The following ACTN4 variants were observed in gnomAD, a reference collection of about 807,000 sequenced individuals.
The protein encoded by ACTN4 is alpha-actinin-4.
In ACTN4, 18 loss-of-function variants were observed where a neutral mutation model predicts 114.2. The ratio of observed to expected loss-of-function variants is 0.16; its 90% CI spans 0.11 to 0.23. ACTN4 has a LOEUF of 0.23. ACTN4 is among the 10% of genes least tolerant of loss of function. ACTN4 has a pLI of 1.00. For missense variants in ACTN4, 722 were observed against 1,262.9 expected (o/e 0.57, Z 6.49); for synonymous variants, 515 against 506.3 (o/e 1.02, Z -0.23).
In ACTN4 at chr19:38,700,065, A is replaced by G. The variant is rs183081669; in HGVS notation, c.163-535A>G. Reference sequence around the variant, plus strand: ...GAGCTCCTGCCTGAGGAGAGCAGCCACGGGTCACGGAAGCCAGGGTCCAGC... The same window carrying G: ...GAGCTCCTGCCTGAGGAGAGCAGCCGCGGGTCACGGAAGCCAGGGTCCAGC... On this transcript the variant is annotated intron_variant, in intron 1 of 20. Transcript: ENST00000252699. Among the ~76,000 whole-genome samples the G allele has an allele frequency of 7.6e-4, 115 of 152,262 alleles. 1 individual carries two copies. Among genetic ancestry groups the G allele is most frequent in the African/African-American group, 2.6e-3 (108 of 41,548 alleles).
At position 38,729,482 on chromosome 19, in the gene ACTN4, G is replaced by C; in HGVS notation, c.*50G>C. On this transcript the variant is annotated 3_prime_UTR_variant, in exon 21 of 21. Coordinates refer to ENST00000252699, the MANE Select transcript of ACTN4 (RefSeq NM_004924.6). ...CCCCGACGGCCTCCAGGAGGGGCCT[G>C]GGCAGCCCCACAGTCCCATTCCTCC... The C allele has an allele frequency of 7.0e-7, 1 of 1,427,060 alleles. No individual in the cohort carries two copies. Among genetic ancestry groups the C allele is most frequent in the Non-Finnish European group, 9.4e-7 (1 of 1,065,792 alleles). 88.4% of individuals were successfully genotyped at this position (1,427,060 alleles called of 1,614,324 possible). A position where few individuals can be genotyped will look rare whatever the true frequency, so the allele number is the denominator to read the frequency against.
chr19:38,669,808 A>G (rs1476106547), intron 1 of ACTN4, among the ~76,000 whole-genome samples: 1 of 152,088 alleles, frequency 6.6e-6, no homozygotes, highest in African/African-American at 2.4e-5. Flanking sequence ...ATTTGGGGAC[A>G]CTTTGGAATA....
Position 38,729,467 on chromosome 19 carries a change from C to T in ACTN4, c.*35C>T, listed in dbSNP as rs771485181. On this transcript the variant is annotated 3_prime_UTR_variant, in exon 21 of 21. Coordinates refer to ENST00000252699, the MANE Select transcript of ACTN4 (RefSeq NM_004924.6). ...GACCTGACCCAACACCCCCGACGGC[C>T]TCCAGGAGGGGCCTGGGCAGCCCCA... The T allele has an allele frequency of 1.2e-6, 2 of 1,603,436 alleles. No individual in the cohort carries two copies. Among genetic ancestry groups the T allele is most frequent in the South Asian group, 2.2e-5 (2 of 90,890 alleles).
Position 38,700,728 on chromosome 19 carries a change from C to A in ACTN4, c.277+14C>A. The A allele has an allele frequency of 6.2e-7, 1 of 1,605,814 alleles. No homozygotes were observed. The highest frequency in any genetic ancestry group is 8.5e-7 in the Non-Finnish European group (1 of 1,172,946). Reference sequence around the variant, plus strand: ...AGGTCATATCAGGTGAGACTCCCAGCCACGCAGTGCGGCCGAGCCCTGGCA... The same window carrying A: ...AGGTCATATCAGGTGAGACTCCCAGACACGCAGTGCGGCCGAGCCCTGGCA... On this transcript the variant is annotated intron_variant, in intron 2 of 20. Transcript: ENST00000252699.
chr19:38,665,454 A>G (rs1395462962), intron 1 of ACTN4, among the ~76,000 whole-genome samples: 7 of 152,258 alleles, frequency 4.6e-5, no homozygotes, highest in Admixed American at 3.3e-4. Flanking sequence ...TCAATGGCAC[A>G]TGGTCCTGCA....
intron 1 of ACTN4, among the ~76,000 whole-genome samples, chr19:38,667,646 A>G (rs975519140): frequency 6.6e-6 from 1 of 150,652 alleles, no homozygotes; most frequent in African/African-American, 2.4e-5. Context: ...ACGGTGCCCC[A>G]TTGTTATGAA....
rs1316404673 is a variant in ACTN4 at position 38,717,819 on chromosome 19, A to G, written c.1144-108A>G. ...TATAATAGCAAAGCATGACACAGAC[A>G]TGACCCCAGCCAAGTTCTGCCACCT... On this transcript the variant is annotated intron_variant, in intron 10 of 20. Transcript: ENST00000252699. This position sits in a 1 kb window ranked among gnomAD's most constrained non-coding sequence, Gnocchi z 4.0. The G allele has an allele frequency of 2.1e-6, 3 of 1,447,780 alleles. No individual in the cohort carries two copies. Among genetic ancestry groups the G allele is most frequent in the Non-Finnish European group, 2.8e-6 (3 of 1,059,124 alleles). 89.7% of individuals were successfully genotyped at this position (1,447,780 alleles called of 1,614,324 possible).
intron 1 of ACTN4, among the ~76,000 whole-genome samples, chr19:38,659,866 C>T (rs1249878547): frequency 6.6e-6 from 1 of 151,646 alleles, no homozygotes; most frequent in Non-Finnish European, 1.5e-5. Context: ...GTTGTGGCTA[C>T]CAAGGAAATC....
Position 38,708,155 on chromosome 19 carries a change from G to A in ACTN4, c.611G>A (p.Arg204Gln), listed in dbSNP as rs771095541. Residue 204 changes from arginine (R) to glutamine (Q), a missense_variant, in exon 6 of 21, where the codon CGG becomes CAG. Coordinates refer to ENST00000252699, the MANE Select transcript of ACTN4 (RefSeq NM_004924.6). ...CTTGCCTTCAATGCCCTGATCCACCGGCACAGACCAGAGCTGATTGAGTAT... is the reference window on the plus strand; with the variant it reads ...CTTGCCTTCAATGCCCTGATCCACCAGCACAGACCAGAGCTGATTGAGTAT... ...DGLAFNALIH[R>Q]HRPELIEYDK... 5 of 1,614,154 alleles carry A rather than the reference G, an allele frequency of 3.1e-6. No individual in the cohort carries two copies. The highest frequency in any genetic ancestry group is 2.2e-5 in the East Asian group (1 of 44,876).
At chr19:38,720,478 G>T (rs780213254) in intron 11 of ACTN4, among the ~76,000 whole-genome samples, 6 of 152,238 alleles carry the variant, frequency 3.9e-5, no homozygotes, top group Non-Finnish European at 8.8e-5. Flanking sequence ...CTGCCCCAGG[G>T]CTGCGCAGCA....
At chr19:38,689,216 T>C (rs1967843000) in intron 1 of ACTN4, among the ~76,000 whole-genome samples, 1 of 152,236 alleles carries the variant, frequency 6.6e-6, no homozygotes, top group Non-Finnish European at 1.5e-5. Context: ...TAAAATGTGG[T>C]ATATCCATAC....
rs371829169 is a variant in ACTN4 at position 38,728,410 on chromosome 19, GCTCCTCCTCCTCCTCCTCCTC to G, written c.2418+404_2418+424del. 15,093 of 772,042 alleles carry G rather than the reference GCTCCTCCTCCTCCTCCTCCTC, an allele frequency of 0.02. 1,697 individuals are homozygous for G. The African/African-American group carries it at 0.3, about 16-fold the overall frequency. 47.8% of individuals were successfully genotyped at this position (772,042 alleles called of 1,614,324 possible). On this transcript the variant is annotated intron_variant, in intron 19 of 20. Coordinates refer to ENST00000252699, the MANE Select transcript of ACTN4 (RefSeq NM_004924.6). ...TGCAGCTCTGTCTCCCCAGCCACCC[GCTCCTCCTCCTCCTCCTCCTC>G]CTCCTCCTCCTCCTCCTCCCCCCCA...
At chr19:38,712,077 G>A (rs766982823) in intron 8 of ACTN4, among the ~76,000 whole-genome samples, 4 of 152,194 alleles carry the variant, frequency 2.6e-5, no homozygotes, top group Admixed American at 6.5e-5. Context: ...AGGCAGAATC[G>A]ATTCTTGTTT....
chr19:38,665,056 C>A (rs546321454), intron 1 of ACTN4, among the ~76,000 whole-genome samples: 2 of 152,292 alleles, frequency 1.3e-5, no homozygotes, highest in South Asian at 4.1e-4. Flanking sequence ...CTGGGATTCG[C>A]AGTACCACAG....
At position 38,717,094 on chromosome 19, in the gene ACTN4, G is replaced by A; in HGVS notation, c.921G>A (p.Glu307=). 1.2e-6 allele frequency: 2 copies of A among 1,613,438 alleles called. No individual in the cohort carries two copies. Among genetic ancestry groups the A allele is most frequent in the South Asian group, 2.2e-5 (2 of 90,956 alleles). Residue 307 remains glutamate, a synonymous_variant, in exon 10 of 21, where the codon GAG becomes GAA. Transcript: ENST00000252699. This position sits in a 1 kb window ranked among gnomAD's most constrained non-coding sequence, Gnocchi z 4.0. Reference sequence around the variant, plus strand: ...GCTTCTGTGGCCCACAGCTCCTGGAGTGGATCCGGCGCACCATCCCCTGGC... The same window carrying A: ...GCTTCTGTGGCCCACAGCTCCTGGAATGGATCCGGCGCACCATCCCCTGGC... ...DYEKLASDLL[E]WIRRTIPWLE... is the part of the protein sequence containing the mutation.
At chr19:38,664,313 C>T (rs901993367) in intron 1 of ACTN4, among the ~76,000 whole-genome samples, 5 of 151,960 alleles carry the variant, frequency 3.3e-5, no homozygotes, top group South Asian at 2.1e-4. Context: ...TTCAGATGCT[C>T]ATGGCCAAAT....
intron 17 of ACTN4, among the ~76,000 whole-genome samples, chr19:38,726,704 A>G (rs1348079290): frequency 6.6e-6 from 1 of 152,202 alleles, no homozygotes; most frequent in Non-Finnish European, 1.5e-5. Flanking sequence ...AACAGTCTCC[A>G]CAGGGATCCC....
chr19:38,667,160 A>G (rs1418788692), intron 1 of ACTN4, among the ~76,000 whole-genome samples: 1 of 152,182 alleles, frequency 6.6e-6, no homozygotes, highest in South Asian at 2.1e-4. Context: ...GAACAGGGGG[A>G]GGACTCAAGG....
chr19:38,729,166 C>G lies in ACTN4; in HGVS notation c.2577+12C>G. ...TAGCAGGGGACAAGGTGAGCGAGACCCCTACGAGGTGCATGGGGGCTGGCG... is the reference window on the plus strand; with the variant it reads ...TAGCAGGGGACAAGGTGAGCGAGACGCCTACGAGGTGCATGGGGGCTGGCG... On this transcript the variant is annotated intron_variant, in intron 20 of 20. Transcript: ENST00000252699. The G allele has an allele frequency of 6.2e-7, 1 of 1,612,884 alleles. No homozygotes were observed. The highest frequency in any genetic ancestry group is 1.1e-5 in the South Asian group (1 of 91,070).
Sources: gnomAD v4.1 joint callset for allele counts (sites outside exome capture counted in the v4.1 genomes callset) on GRCh38, gnomAD v4.1.1 for gene constraint, Gnocchi (gnomAD v3.1) non-coding constraint, MANE v1.5 for transcripts, NCBI Gene and HGNC (gene_info 2026-07-23, HGNC 2026-07-21) for gene names.